The following RABGAP1L variants were observed in gnomAD, a reference collection of about 807,000 sequenced individuals.
RABGAP1L encodes RAB GTPase activating protein 1 like.
In RABGAP1L, 63 loss-of-function variants were observed where a neutral mutation model predicts 137.7. The observed-to-expected ratio is 0.46, with a 90% CI of 0.37 to 0.56. The LOEUF (loss-of-function observed/expected upper bound fraction) is 0.56. RABGAP1L is among the 20% of genes least tolerant of loss of function. The pLI, the probability that RABGAP1L is intolerant of heterozygous loss-of-function variation, is 0.00. For missense variants in RABGAP1L, 1,095 were observed against 1,244.0 expected, an observed-to-expected ratio of 0.88 and a Z score of 1.80; for synonymous variants, 431 against 433.7, an observed-to-expected ratio of 0.99 and a Z score of 0.08.
At chr1:174,550,979 TATAC>T in intron 13 of RABGAP1L, among the ~76,000 whole-genome samples, 2 of 88,972 alleles carry the variant, frequency 2.2e-5, no homozygotes, top group Admixed American at 2.3e-4. Flanking sequence ...TACATGTATA[TATAC>T]ATATATATAT....
At chr1:174,617,102 T>A (rs924529648) in intron 13 of RABGAP1L, among the ~76,000 whole-genome samples, 1 of 152,202 alleles carries the variant, frequency 6.6e-6, no homozygotes, top group Non-Finnish European at 1.5e-5. Flanking sequence ...GGATGTATAT[T>A]TACCTGAGTC....
intron 13 of RABGAP1L, among the ~76,000 whole-genome samples, chr1:174,573,062 C>A (rs537684602): frequency 6.1e-4 from 92 of 151,794 alleles, no homozygotes; most frequent in Non-Finnish European, 1.0e-3. Context: ...TCTTGAATTC[C>A]AAGCTAGTGG....
intron 23 of RABGAP1L, among the ~76,000 whole-genome samples, chr1:174,979,354 A>G (rs1188375614): frequency 6.6e-6 from 1 of 152,182 alleles, no homozygotes; most frequent in Non-Finnish European, 1.5e-5. Context: ...CTTATTACTT[A>G]TAGCTTATTA....
At chr1:174,291,770 T>G (rs1194594823) in intron 10 of RABGAP1L, among the ~76,000 whole-genome samples, 1 of 152,016 alleles carries the variant, frequency 6.6e-6, no homozygotes, top group African/African-American at 2.4e-5. Flanking sequence ...ATCTATAGGG[T>G]TTGTAGGATC....
At chr1:174,437,538 G>C (rs1378976928) in intron 13 of RABGAP1L, among the ~76,000 whole-genome samples, 1 of 152,114 alleles carries the variant, frequency 6.6e-6, no homozygotes, top group Non-Finnish European at 1.5e-5. Context: ...AAAAAGAAAT[G>C]AACAAAGCCT....
chr1:174,374,740 C>CTA (rs1392110480), intron 12 of RABGAP1L, among the ~76,000 whole-genome samples: 15 of 152,252 alleles, frequency 9.9e-5, no homozygotes, highest in African/African-American at 3.4e-4. Flanking sequence ...AGTTATTTAA[C>CTA]ATTTTTAGGT....
chr1:174,304,155 TTTGA>T (rs1445334504), intron 10 of RABGAP1L, among the ~76,000 whole-genome samples: 1 of 152,174 alleles, frequency 6.6e-6, no homozygotes, highest in African/African-American at 2.4e-5. Flanking sequence ...TGCCCTTTAT[TTTGA>T]TTATGACATT....
At chr1:174,539,924 T>A (rs567363407) in intron 13 of RABGAP1L, among the ~76,000 whole-genome samples, 3 of 152,334 alleles carry the variant, frequency 2.0e-5, no homozygotes, top group African/African-American at 7.2e-5. Flanking sequence ...ATAAAAGTTT[T>A]CCTATTTCTC....
Position 174,207,775 on chromosome 1 carries a change from T to A in RABGAP1L, c.-33-11350T>A, listed in dbSNP as rs916009197. On this transcript the variant is annotated intron_variant, in intron 1 of 25. Coordinates refer to ENST00000681986, the MANE Select transcript of RABGAP1L (RefSeq NM_001366446.1). ...TATTAATTATTGTTGATTCAGTTTC[T>A]TGAAAAATATAGGGGTATTCAAGTT... Among the ~76,000 whole-genome samples, 12 of 152,180 alleles carry A rather than the reference T, an allele frequency of 7.9e-5. No homozygotes were observed. The South Asian group carries it at 8.3e-4, about 10-fold the overall frequency.
In RABGAP1L at chr1:174,364,431, T is replaced by G. The variant is rs1201179854; in HGVS notation, c.1466-6548T>G. On this transcript the variant is annotated intron_variant, in intron 11 of 25. Transcript: ENST00000681986. ...CACTACGCCCGGCTAATTTTTTGTA[T>G]TTTTAGTAGAGACGGGGTTTCACCG... Among the ~76,000 whole-genome samples, 3 of 150,416 alleles carry G rather than the reference T, an allele frequency of 2.0e-5. No homozygotes were observed. The East Asian group carries it at 5.9e-4, about 30-fold the overall frequency.
chr1:174,459,786 T>C (rs780421920), intron 13 of RABGAP1L, among the ~76,000 whole-genome samples: 2 of 152,102 alleles, frequency 1.3e-5, no homozygotes, highest in African/African-American at 4.8e-5. Flanking sequence ...ATGCTTTCAG[T>C]ACTGTTTAAA....
At chr1:174,651,810 T>C (rs1413189746) in intron 14 of RABGAP1L, among the ~76,000 whole-genome samples, 2 of 152,256 alleles carry the variant, frequency 1.3e-5, no homozygotes, top group Non-Finnish European at 2.9e-5. Flanking sequence ...CTGTGTCTTT[T>C]AATTGGAGCA....
At chr1:174,901,993 C>G (rs1025444827) in intron 19 of RABGAP1L, among the ~76,000 whole-genome samples, 1 of 152,146 alleles carries the variant, frequency 6.6e-6, no homozygotes, top group African/African-American at 2.4e-5. Context: ...TCAGTTTTTC[C>G]TGTACCTGGA....
intron 19 of RABGAP1L, among the ~76,000 whole-genome samples, chr1:174,903,274 A>G (rs1317880550): frequency 6.6e-6 from 1 of 152,226 alleles, no homozygotes; most frequent in Non-Finnish European, 1.5e-5. Flanking sequence ...TGCCATAGAA[A>G]TACAGATCAT....
chr1:174,773,348 A>T (rs564323135), intron 18 of RABGAP1L, among the ~76,000 whole-genome samples: 1 of 152,296 alleles, frequency 6.6e-6, no homozygotes, highest in African/African-American at 2.4e-5. Context: ...CAACATAGTG[A>T]GACCCGTTAT....
chr1:174,321,481 A>T (rs1376208558), intron 11 of RABGAP1L, among the ~76,000 whole-genome samples: 1 of 151,606 alleles, frequency 6.6e-6, no homozygotes, highest in Non-Finnish European at 1.5e-5. Context: ...TCTGCCCCGG[A>T]CTCCCAGCTT....
rs1388379643 is a variant in RABGAP1L, at chr1:174,917,178, C to T, written c.2341-40279C>T. Among the ~76,000 whole-genome samples, 4 of 152,156 alleles carry T rather than the reference C, an allele frequency of 2.6e-5. No individual in the cohort carries two copies. The East Asian group carries it at 7.7e-4, about 29-fold the overall frequency. The stretch of plus-strand genomic sequence containing the variant: ...TCTCAAAGGCTGCACCTCCAAATGC[C>T]ATCACATTGGCTGTTAGGGCTTCAG... On this transcript the variant is annotated intron_variant, in intron 19 of 25. Coordinates refer to ENST00000681986, the MANE Select transcript of RABGAP1L (RefSeq NM_001366446.1).
At chr1:174,617,581 C>T (rs1672007391) in intron 13 of RABGAP1L, among the ~76,000 whole-genome samples, 1 of 152,068 alleles carries the variant, frequency 6.6e-6, no homozygotes, top group Admixed American at 6.5e-5. Flanking sequence ...TAACTAAAAC[C>T]TTATGTTAAT....
intron 19 of RABGAP1L, among the ~76,000 whole-genome samples, chr1:174,864,831 C>T (rs1650923380): frequency 6.6e-6 from 1 of 152,208 alleles, no homozygotes; most frequent in African/African-American, 2.4e-5. Context: ...AGACCATTTG[C>T]ATCAGGCTAG....
Sources: gnomAD v4.1 joint callset for allele counts (sites outside exome capture counted in the v4.1 genomes callset) on GRCh38, gnomAD v4.1.1 for gene constraint, MANE v1.5 for transcripts, NCBI Gene and HGNC (gene_info 2026-07-23, HGNC 2026-07-21) for gene names.